Variants in TENM2 observed in about 807,000 individuals in gnomAD.
The protein encoded by TENM2 is teneurin-2.
Under a neutral mutation model 245.2 loss-of-function variants are expected in TENM2, and 52 were observed. The observed-to-expected ratio is 0.21, with a 90% CI of 0.17 to 0.27. The LOEUF (loss-of-function observed/expected upper bound fraction) is 0.27. Among genes scored for constraint, TENM2 ranks in the 10% least tolerant of loss-of-function variants. TENM2 has a pLI of 1.00. For synonymous variants in TENM2, 1,363 were observed against 1,438.9 expected (o/e 0.95, Z 1.19); for missense variants, 3,046 against 3,666.8 (o/e 0.83, Z 4.37).
At chr5:167,115,856 C>T in the TENM2 span, among the ~76,000 whole-genome samples, 2 of 152,082 alleles carry the variant, frequency 1.3e-5, no homozygotes, top group Non-Finnish European at 2.9e-5. Flanking sequence ...GTCAAGAGAA[C>T]TTGGGTCTAT....
chr5:167,284,852 C>G, exon 1 of TENM2: 1 of 1,551,216 alleles, frequency 6.4e-7, no homozygotes, highest in African/African-American at 1.4e-5. Flanking sequence ...ATGTAAAGGA[C>G]CGGCGACACC....
intron 4 of TENM2, among the ~76,000 whole-genome samples, chr5:167,984,910 T>C (rs961344289): frequency 3.3e-5 from 5 of 152,246 alleles, no homozygotes; most frequent in African/African-American, 9.6e-5. Flanking sequence ...GCCCCTTGAA[T>C]TTTGCCTCAA....
chr5:167,729,973 C>T (rs1760300744), intron 2 of TENM2, among the ~76,000 whole-genome samples: 2 of 152,136 alleles, frequency 1.3e-5, no homozygotes, highest in African/African-American at 4.8e-5. Flanking sequence ...AGATCTATCT[C>T]TCTGCTCTTG....
intron 2 of TENM2, among the ~76,000 whole-genome samples, chr5:167,836,557 A>G (rs1029152596): frequency 2.6e-5 from 4 of 152,208 alleles, no homozygotes; most frequent in Non-Finnish European, 2.9e-5. Context: ...CAAAAAAATA[A>G]TAAATAGAGA....
chr5:167,876,024 C>G, exon 3 of TENM2: 1 of 1,551,544 alleles, frequency 6.4e-7, no homozygotes, highest in Non-Finnish European at 8.7e-7. Context: ...TAGTCTCCTC[C>G]CATCTGCTCA....
chr5:167,511,765 A>T (rs1021101821), intron 2 of TENM2, among the ~76,000 whole-genome samples: 3 of 152,228 alleles, frequency 2.0e-5, no homozygotes, highest in African/African-American at 7.2e-5. Context: ...TGTCAAGGGC[A>T]TAAAAATAAG....
Position 167,952,303 on chromosome 5 carries a change from A to G in TENM2, c.713-285A>G. 1.5e-5 allele frequency: 8 copies of G among 539,588 alleles called. No individual in the cohort carries two copies. In the South Asian group the frequency reaches 1.9e-4, roughly 13 times the overall value. 33.4% of individuals were successfully genotyped at this position (539,588 alleles called of 1,614,324 possible). A position where few individuals can be genotyped will look rare whatever the true frequency, so the allele number is the denominator to read the frequency against. On this transcript the variant is annotated intron_variant, in intron 3 of 28. Transcript: ENST00000518659. The stretch of plus-strand genomic sequence containing the variant: ...ATGTTACTTTCATTGCAGTATTAAT[A>G]TGTTTCAAATAATTCCTCTGGTCAG...
chr5:168,134,375 T>C (rs1754857442), intron 12 of TENM2, among the ~76,000 whole-genome samples: 1 of 151,906 alleles, frequency 6.6e-6, no homozygotes, highest in African/African-American at 2.4e-5. Context: ...ATCATCACCA[T>C]CATTGTCTAG....
the TENM2 span, among the ~76,000 whole-genome samples, chr5:167,119,125 A>G: frequency 1.3e-5 from 2 of 152,262 alleles, no homozygotes; most frequent in African/African-American, 4.8e-5. Flanking sequence ...TTCCTCATCT[A>G]TAAAAATGAT....
intron 6 of TENM2, among the ~76,000 whole-genome samples, chr5:168,059,095 G>A (rs181545682): frequency 2.2e-4 from 34 of 152,298 alleles, no homozygotes; most frequent in African/African-American, 8.2e-4. Flanking sequence ...AAAACCCTAA[G>A]GGGCACTGTG....
intron 12 of TENM2, among the ~76,000 whole-genome samples, chr5:168,153,965 G>A (rs774593683): frequency 6.6e-6 from 1 of 152,002 alleles, no homozygotes; most frequent in African/African-American, 2.4e-5. Context: ...CAAAGGTAAT[G>A]TTCCAGGGAG....
At chr5:167,156,149 A>G in the TENM2 span, among the ~76,000 whole-genome samples, 1 of 152,188 alleles carries the variant, frequency 6.6e-6, no homozygotes, top group African/African-American at 2.4e-5. Flanking sequence ...CTACAGAGGA[A>G]AATGTGGATG....
At chr5:167,216,295 T>C in the TENM2 span, among the ~76,000 whole-genome samples, 17 of 152,290 alleles carry the variant, frequency 1.1e-4, no homozygotes, top group African/African-American at 3.8e-4. Flanking sequence ...TTTTCACAGA[T>C]TATTTATGGG....
intron 2 of TENM2, among the ~76,000 whole-genome samples, chr5:167,698,679 G>GTTTTTTTTTTTTTTTTTTTT (rs1225922111): frequency 2.9e-4 from 28 of 97,734 alleles, no homozygotes; most frequent in African/African-American, 5.1e-4. Context: ...TTTGTTTTTT[G>GTTTTTTTTTTTTTTTTTTTT]TTTTTTTTTT....
intron 1 of TENM2, among the ~76,000 whole-genome samples, chr5:167,326,399 G>A (rs927418712): frequency 6.6e-5 from 10 of 152,058 alleles, no homozygotes; most frequent in Non-Finnish European, 1.0e-4. Context: ...AGTCAGCCAG[G>A]CATGGTGGCT....
In TENM2 at chr5:167,467,958, C is replaced by T. The variant is rs371861720; in HGVS notation, c.502+92485C>T. 8.6e-5 allele frequency among the ~76,000 whole-genome samples: 13 copies of T among 152,046 alleles called. No homozygotes were observed. The East Asian group carries it at 1.5e-3, about 18-fold the overall frequency. On this transcript the variant is annotated intron_variant, in intron 2 of 28. Coordinates refer to ENST00000518659, the Ensembl canonical transcript of TENM2. Reference sequence around the variant, plus strand: ...CACATATATATATATATTTTTGAGACGAAGTTTCGCTCTTGTCGCCCAGGC... The same window carrying T: ...CACATATATATATATATTTTTGAGATGAAGTTTCGCTCTTGTCGCCCAGGC...
At chr5:167,570,165 GGA>G (rs1774175712) in intron 2 of TENM2, among the ~76,000 whole-genome samples, 1 of 152,146 alleles carries the variant, frequency 6.6e-6, no homozygotes, top group African/African-American at 2.4e-5. Flanking sequence ...TGTGCAGTAG[GGA>G]TAGAACCAGT....
chr5:167,579,728 G>A (rs574189443), intron 2 of TENM2, among the ~76,000 whole-genome samples: 4 of 152,198 alleles, frequency 2.6e-5, no homozygotes, highest in East Asian at 1.9e-4. Flanking sequence ...TTCCTATTCC[G>A]AGCCTGATGG....
chr5:168,032,214 A>T (rs1787209933), intron 5 of TENM2, among the ~76,000 whole-genome samples: 1 of 152,184 alleles, frequency 6.6e-6, no homozygotes, highest in African/African-American at 2.4e-5. Context: ...TACCATATTT[A>T]ATCTCCAAAA....
Sources: gnomAD v4.1 joint callset for allele counts (sites outside exome capture counted in the v4.1 genomes callset) on GRCh38, gnomAD v4.1.1 for gene constraint, MANE v1.5 for transcripts, NCBI Gene and HGNC (gene_info 2026-07-23, HGNC 2026-07-21) for gene names.